CCDC172: variants seen among roughly 807,000 people sequenced by gnomAD.
The protein encoded by CCDC172 is coiled-coil domain-containing protein 172.
In CCDC172, 30 loss-of-function variants were observed where a neutral mutation model predicts 38.0. That is an observed-to-expected ratio of 0.79 (90% CI 0.59 to 1.07). CCDC172 has a LOEUF of 1.07. Ranked by LOEUF, CCDC172 falls within the 50% of genes least tolerant of loss-of-function variation. The pLI is 0.00. For synonymous variants in CCDC172, 78 were observed against 88.3 expected (o/e 0.88, Z 0.66); for missense variants, 297 against 290.1 (o/e 1.02, Z -0.17).
Position 116,338,761 on chromosome 10 carries a change from G to T in CCDC172, c.166-1973G>T, listed in dbSNP as rs1589949257. Among the ~76,000 whole-genome samples the T allele has an allele frequency of 3.9e-5, 6 of 152,058 alleles. 1 individual carries two copies. In the East Asian group the frequency reaches 1.2e-3, roughly 29 times the overall value. ...TTAATTTCTGAGTCCTTAACATAAG[G>T]CTTTCCTGAATTTGAATAATAGATT... On this transcript the variant is annotated intron_variant, in intron 3 of 8. Transcript: ENST00000333254.
At chr10:116,366,341 C>G (rs2134962550) in intron 7 of CCDC172, among the ~76,000 whole-genome samples, 1 of 152,106 alleles carries the variant, frequency 6.6e-6, no homozygotes, top group Non-Finnish European at 1.5e-5. Context: ...GCATGTCGTT[C>G]TACAATGTGA....
In CCDC172 at chr10:116,324,938, G is replaced by A. The variant is rs912020471; in HGVS notation, c.-65-9G>A. ...TAGAAGAATCCATCTTCTTTATTCTGCTTTCCAGGATCCTCAGAGTTGGTT... is the reference window on the plus strand; with the variant it reads ...TAGAAGAATCCATCTTCTTTATTCTACTTTCCAGGATCCTCAGAGTTGGTT... On this transcript the variant is annotated splice_polypyrimidine_tract_variant and intron_variant, in intron 1 of 8. Transcript: ENST00000333254. The A allele has an allele frequency of 8.2e-7, 1 of 1,214,676 alleles. No homozygotes were observed. The highest frequency in any genetic ancestry group is 2.3e-5 in the East Asian group (1 of 42,898). The allele number at this position is 1,214,676 out of a possible 1,614,324, so 75.2% of individuals were successfully genotyped here. A position where few individuals can be genotyped will look rare whatever the true frequency, so the allele number is the denominator to read the frequency against.
chr10:116,364,251 ATTAT>A (rs1256072803), intron 7 of CCDC172, among the ~76,000 whole-genome samples: 1 of 152,192 alleles, frequency 6.6e-6, no homozygotes, highest in South Asian at 2.1e-4. Context: ...ACCACTAAAT[ATTAT>A]TTAGTCTATC....
At chr10:116,347,431 A>G (rs1166721980) in intron 5 of CCDC172, among the ~76,000 whole-genome samples, 1 of 152,182 alleles carries the variant, frequency 6.6e-6, no homozygotes, top group Non-Finnish European at 1.5e-5. Context: ...GCAAAAGCCA[A>G]ATTGTAAGGA....
chr10:116,371,272 A>T (rs1845182945), intron 7 of CCDC172, among the ~76,000 whole-genome samples: 1 of 151,868 alleles, frequency 6.6e-6, no homozygotes, highest in Non-Finnish European at 1.5e-5. Context: ...TTAATATTTT[A>T]AACACCCTTT....
intron 5 of CCDC172, among the ~76,000 whole-genome samples, chr10:116,355,578 C>T (rs923693333): frequency 1.8e-4 from 27 of 152,136 alleles, no homozygotes; most frequent in Non-Finnish European, 2.5e-4. Context: ...ATGTCAATCA[C>T]GTGAGGAATC....
Position 116,336,019 on chromosome 10 carries a change from T to G in CCDC172, c.166-4715T>G, listed in dbSNP as rs916075568. Among the ~76,000 whole-genome samples the G allele has an allele frequency of 2.6e-5, 4 of 151,874 alleles. No homozygotes were observed. In the East Asian group the frequency reaches 7.7e-4, roughly 29 times the overall value. On this transcript the variant is annotated intron_variant, in intron 3 of 8. Coordinates refer to ENST00000333254, the MANE Select transcript of CCDC172 (RefSeq NM_198515.3). ...CTGTCTCTACTAAAAATACAAAAAT[T>G]AGCCAGGCATGATGGTGTGCCCCTG...
Position 116,342,398 on chromosome 10 carries a change from AACATTT to A in CCDC172, c.448+198_448+203del. The A allele has an allele frequency of 7.1e-6, 3 of 421,962 alleles. No individual in the cohort carries two copies. In the South Asian group the frequency reaches 1.1e-4, roughly 15 times the overall value. The allele number at this position is 421,962 out of a possible 1,614,324, so 26.1% of individuals were successfully genotyped here. On this transcript the variant is annotated intron_variant, in intron 5 of 8. Coordinates refer to ENST00000333254, the MANE Select transcript of CCDC172 (RefSeq NM_198515.3). ...ATGATTTAGAAGTACATGTGACATGAACATTTGGTCATTCATTTAATAAATAAATAT... is the reference window on the plus strand; with the variant it reads ...ATGATTTAGAAGTACATGTGACATGAGGTCATTCATTTAATAAATAAATAT...
intron 7 of CCDC172, among the ~76,000 whole-genome samples, chr10:116,376,363 G>C (rs530993948): frequency 1.3e-5 from 2 of 152,236 alleles, no homozygotes; most frequent in South Asian, 2.1e-4. Flanking sequence ...GAGCAATGTT[G>C]TTCCTCATAT....
At chr10:116,347,922 A>G (rs1844886779) in intron 5 of CCDC172, among the ~76,000 whole-genome samples, 1 of 152,098 alleles carries the variant, frequency 6.6e-6, no homozygotes, top group South Asian at 2.1e-4. Context: ...AATTTTATTT[A>G]TATATATCCT....
chr10:116,336,375 CT>C (rs1396858477), intron 3 of CCDC172, among the ~76,000 whole-genome samples: 1 of 81,996 alleles, frequency 1.2e-5, no homozygotes, highest in African/African-American at 4.6e-5. Flanking sequence ...GGAGAGATGG[CT>C]GGAGAGGGAG....
intron 7 of CCDC172, among the ~76,000 whole-genome samples, chr10:116,361,995 T>C (rs766099365): frequency 6.6e-6 from 1 of 152,140 alleles, no homozygotes; most frequent in Non-Finnish European, 1.5e-5. Context: ...GAGACCATCC[T>C]GGCTAACATG....
chr10:116,356,125 G>A (rs1436979874), intron 5 of CCDC172, among the ~76,000 whole-genome samples: 1 of 152,070 alleles, frequency 6.6e-6, no homozygotes, highest in East Asian at 1.9e-4. Flanking sequence ...GAGGTCAGGA[G>A]TTCGAGACCA....
At chr10:116,329,742 G>T (rs1015289243) in intron 3 of CCDC172, among the ~76,000 whole-genome samples, 2 of 152,074 alleles carry the variant, frequency 1.3e-5, no homozygotes, top group African/African-American at 4.8e-5. Context: ...AAAACTCTTA[G>T]CACCTTAACA....
chr10:116,341,713 ATAT>A (rs1237844352), intron 4 of CCDC172, among the ~76,000 whole-genome samples: 1 of 151,854 alleles, frequency 6.6e-6, no homozygotes, highest in Non-Finnish European at 1.5e-5. Context: ...CTCCAGTTTT[ATAT>A]TATAATTATA....
chr10:116,343,805 A>G (rs1234918702), intron 5 of CCDC172, among the ~76,000 whole-genome samples: 1 of 152,132 alleles, frequency 6.6e-6, no homozygotes, highest in Non-Finnish European at 1.5e-5. Context: ...CTGAGACAAT[A>G]TTCTTAAACT....
At chr10:116,364,474 G>C (rs965970769) in intron 7 of CCDC172, among the ~76,000 whole-genome samples, 1 of 152,060 alleles carries the variant, frequency 6.6e-6, no homozygotes, top group African/African-American at 2.4e-5. Flanking sequence ...ACAATGCTAA[G>C]TACAGAAGAA....
Position 116,358,135 on chromosome 10 carries a change from C to T in CCDC172, c.653+197C>T, listed in dbSNP as rs76564084. Among the ~76,000 whole-genome samples the T allele has an allele frequency of 9.3e-3, 1,420 of 152,116 alleles. 44 individuals carry two copies. Among genetic ancestry groups the T allele is most frequent in the Admixed American group, 0.033 (505 of 15,274 alleles). Reference sequence around the variant, plus strand: ...AAGTGCTACACATAAGTTCATGATGCGTTGGGTTGATGACTGATAATAGTG... The same window carrying T: ...AAGTGCTACACATAAGTTCATGATGTGTTGGGTTGATGACTGATAATAGTG... On this transcript the variant is annotated intron_variant, in intron 7 of 8. Coordinates refer to ENST00000333254, the MANE Select transcript of CCDC172 (RefSeq NM_198515.3).
chr10:116,325,004 G>A lies in CCDC172; in HGVS notation c.-8G>A, dbSNP rs1555178220. The A allele has an allele frequency of 1.2e-6, 2 of 1,611,950 alleles. No individual in the cohort carries two copies. Among genetic ancestry groups the A allele is most frequent in the East Asian group, 4.5e-5 (2 of 44,858 alleles). On this transcript the variant is annotated 5_prime_UTR_variant, in exon 2 of 9. Coordinates refer to ENST00000333254, the MANE Select transcript of CCDC172 (RefSeq NM_198515.3). ...GCGAGAAAAGGATCGCAGGAGCCAG[G>A]CCCTGAGATGAGCTTGGAGTCCCTG...
Sources: gnomAD v4.1 joint callset for allele counts (sites outside exome capture counted in the v4.1 genomes callset) on GRCh38, gnomAD v4.1.1 for gene constraint, MANE v1.5 for transcripts, NCBI Gene and HGNC (gene_info 2026-07-23, HGNC 2026-07-21) for gene names.